COL25A1: variants seen among roughly 807,000 people sequenced by gnomAD.
COL25A1 encodes collagen alpha-1(XXV) chain.
In COL25A1, 103 loss-of-function variants were observed where a neutral mutation model predicts 128.4. The ratio of observed to expected loss-of-function variants is 0.80; its 90% CI spans 0.68 to 0.94. The LOEUF (loss-of-function observed/expected upper bound fraction) is 0.94. Among genes scored for constraint, COL25A1 ranks in the 40% least tolerant of loss-of-function variants. COL25A1 has a pLI of 0.00. For synonymous variants in COL25A1, 279 were observed against 277.2 expected (o/e 1.01, Z -0.06); for missense variants, 745 against 840.0 (o/e 0.89, Z 1.40).
chr4:109,301,802 G>A lies in COL25A1; in HGVS notation c.218C>T (p.Pro73Leu), dbSNP rs781130418. Residue 73 changes from proline (P) to leucine (L), a missense_variant, in exon 2 of 38, where the codon CCT becomes CTT. This residue lies in a region of COL25A1 where 319 missense variants were observed against 324.9 expected (regional missense o/e 0.98). Transcript: ENST00000399132. ...IAALESAKGA[P>L]SIHLLPDTLD... is the part of the protein sequence containing the mutation. The stretch of plus-strand genomic sequence containing the variant: ...GGTATCAGGCAGCAGATGAATGGAA[G>A]GGGCCCCTTTGGCGGATTCGAGAGC... 2.8e-4 allele frequency: 447 copies of A among 1,614,140 alleles called. No individual in the cohort carries two copies. Among genetic ancestry groups the A allele is most frequent in the Non-Finnish European group, 3.6e-4 (424 of 1,180,052 alleles).
chr4:109,253,303 G>A (rs1780788306), intron 3 of COL25A1, among the ~76,000 whole-genome samples: 1 of 152,178 alleles, frequency 6.6e-6, no homozygotes, highest in African/African-American at 2.4e-5. Context: ...AGAGACCCAG[G>A]AGAGTTGGAA....
At chr4:109,069,548 A>G (rs967895548) in intron 3 of COL25A1, among the ~76,000 whole-genome samples, 7 of 152,302 alleles carry the variant, frequency 4.6e-5, no homozygotes, top group African/African-American at 1.7e-4. Context: ...TACTACTTCA[A>G]TGTAGAACAT....
At chr4:109,183,020 T>C (rs1774811503) in intron 3 of COL25A1, among the ~76,000 whole-genome samples, 1 of 152,116 alleles carries the variant, frequency 6.6e-6, no homozygotes, top group South Asian at 2.1e-4. Context: ...TCCAATCTTT[T>C]TACCGAGGCA....
chr4:108,899,316 C>A, intron 14 of COL25A1, 136 bp from the exon 15 acceptor site: 1 of 666,520 alleles, frequency 1.5e-6, no homozygotes, highest in Non-Finnish European at 2.5e-6. Flanking sequence ...CATGCAGTTG[C>A]TATATGAAAA....
chr4:109,064,916 G>A (rs972006105), intron 3 of COL25A1, among the ~76,000 whole-genome samples: 2 of 152,178 alleles, frequency 1.3e-5, no homozygotes, highest in Admixed American at 6.5e-5. Flanking sequence ...ATCATTATGT[G>A]AGGATCACAG....
At chr4:108,978,004 T>A (rs1456961377) in intron 6 of COL25A1, among the ~76,000 whole-genome samples, 1 of 152,332 alleles carries the variant, frequency 6.6e-6, no homozygotes, top group East Asian at 1.9e-4. Context: ...AAGGACAAAG[T>A]TTTTGTGAAG....
At chr4:109,040,178 A>G (rs1759749268) in intron 5 of COL25A1, among the ~76,000 whole-genome samples, 1 of 152,212 alleles carries the variant, frequency 6.6e-6, no homozygotes, top group Admixed American at 6.5e-5. Flanking sequence ...CAGAAACAAA[A>G]ACTTATTTAA....
intron 3 of COL25A1, among the ~76,000 whole-genome samples, chr4:109,266,321 T>C (rs1275635268): frequency 2.0e-5 from 3 of 152,156 alleles, no homozygotes; most frequent in Admixed American, 6.6e-5. Context: ...GATGAACAGC[T>C]GAGGAAGTGG....
At chr4:108,919,345 G>A (rs1051691287) in intron 12 of COL25A1, among the ~76,000 whole-genome samples, 5 of 152,118 alleles carry the variant, frequency 3.3e-5, no homozygotes, top group African/African-American at 9.7e-5. Context: ...TATCCTGGTC[G>A]TATGTGGATT....
chr4:108,883,177 G>A (rs899523006), intron 19 of COL25A1, among the ~76,000 whole-genome samples: 5 of 152,026 alleles, frequency 3.3e-5, no homozygotes, highest in Admixed American at 3.3e-4. Flanking sequence ...GAGCAGCTGA[G>A]ATCACACTCA....
At position 108,832,434 on chromosome 4, in the gene COL25A1, C is replaced by A; in HGVS notation, c.1657-1G>T. ...GGGGTCCCATAGGACCATCTGTACC[C>A]TAAAAAAAAGATAATATGAGATATA... On this transcript the variant is annotated splice_acceptor_variant, in intron 31 of 37. Transcript: ENST00000399132. LOFTEE classifies it high-confidence loss of function. The A allele has an allele frequency of 6.3e-7, 1 of 1,594,044 alleles. No homozygotes were observed. The highest frequency in any genetic ancestry group is 1.8e-5 in the Admixed American group (1 of 56,842).
chr4:109,080,462 T>C (rs1208548037), intron 3 of COL25A1, among the ~76,000 whole-genome samples: 1 of 152,200 alleles, frequency 6.6e-6, no homozygotes, highest in Non-Finnish European at 1.5e-5. Context: ...TCCGTAAGTC[T>C]GTGATACCCT....
At position 108,810,539 on chromosome 4, in the gene COL25A1, A is replaced by T. The variant is rs1223751273; in HGVS notation, c.*3388T>A. 2.0e-5 allele frequency: 3 copies of T among 152,004 alleles called. No individual in the cohort carries two copies. The South Asian group carries it at 6.2e-4, about 31-fold the overall frequency. The allele number at this position is 152,004 out of a possible 1,614,324, so 9.4% of individuals were successfully genotyped here. On this transcript the variant is annotated 3_prime_UTR_variant, in exon 38 of 38. Transcript: ENST00000399132. ...ATGAAAAACAAAAACTGAAAGAAAA[A>T]ATTAGGTATATTTGTGCACTAGGTA...
At chr4:109,112,038 T>A (rs1767068775) in intron 3 of COL25A1, among the ~76,000 whole-genome samples, 1 of 152,296 alleles carries the variant, frequency 6.6e-6, no homozygotes, top group South Asian at 2.1e-4. Context: ...CCTGTTTTTC[T>A]TAGTCTTGGT....
chr4:109,215,082 C>A (rs1432333228), intron 3 of COL25A1, among the ~76,000 whole-genome samples: 1 of 152,070 alleles, frequency 6.6e-6, no homozygotes, highest in Non-Finnish European at 1.5e-5. Context: ...TTTTCTAGTT[C>A]TAGAAGAGCT....
chr4:108,869,180 A>G (rs772566342), intron 19 of COL25A1, 30 bp from the exon 20 acceptor site: 32 of 1,054,250 alleles, frequency 3.0e-5, no homozygotes, highest in Non-Finnish European at 3.6e-5. Flanking sequence ...TGAGATCATT[A>G]ATCATTTGAC....
At chr4:109,251,190 A>G (rs1252360112) in intron 3 of COL25A1, among the ~76,000 whole-genome samples, 2 of 152,200 alleles carry the variant, frequency 1.3e-5, no homozygotes, top group African/African-American at 4.8e-5. Context: ...TTCATAACAA[A>G]ATAAAGAGGA....
intron 3 of COL25A1, among the ~76,000 whole-genome samples, chr4:109,075,584 G>A (rs1051105217): frequency 6.6e-6 from 1 of 152,040 alleles, no homozygotes; most frequent in African/African-American, 2.4e-5. Flanking sequence ...TTTTGGGAGA[G>A]TACACACTTT....
At chr4:109,301,054 A>G (rs1239534549) in intron 2 of COL25A1, among the ~76,000 whole-genome samples, 1 of 152,126 alleles carries the variant, frequency 6.6e-6, no homozygotes, top group Non-Finnish European at 1.5e-5. Flanking sequence ...ACTACTGCCA[A>G]ATAGGCTCCC....
Sources: allele counts gnomAD v4.1 joint callset (sites outside exome capture counted in the v4.1 genomes callset), GRCh38; gene constraint gnomAD v4.1.1; regional missense constraint gnomAD v4.1.1; transcripts MANE v1.5; gene names NCBI Gene and HGNC (gene_info 2026-07-23, HGNC 2026-07-21).